Variants in SLC25A15 observed in about 807,000 individuals in gnomAD.
SLC25A15 encodes solute carrier family 25 member 15.
SLC25A15 carries 24 observed loss-of-function variants against 32.3 expected under a neutral mutation model. The ratio of observed to expected loss-of-function variants is 0.74; its 90% CI spans 0.54 to 1.04. The LOEUF (loss-of-function observed/expected upper bound fraction) is 1.04. Ranked by LOEUF, SLC25A15 falls within the 50% of genes least tolerant of loss-of-function variation. The probability of loss-of-function intolerance (pLI) is 0.00; values close to 1 mark genes in which losing one functional copy is unlikely to be tolerated. For missense variants in SLC25A15, 317 were observed against 374.5 expected, an observed-to-expected ratio of 0.85 and a Z score of 1.27; for synonymous variants, 132 against 142.1, an observed-to-expected ratio of 0.93 and a Z score of 0.51.
intron 4 of SLC25A15, 118 bp downstream of exon 4, chr13:40,805,373 A>G (rs1882133919): frequency 8.3e-7 from 1 of 1,207,610 alleles, no homozygotes; most frequent in African/African-American, 1.5e-5. Flanking sequence ...ACTCCAAAAT[A>G]TTGTTTCTAG....
At chr13:40,806,823 G>C (rs560092390) in intron 4 of SLC25A15, among the ~76,000 whole-genome samples, 4 of 152,326 alleles carry the variant, frequency 2.6e-5, no homozygotes, top group African/African-American at 9.6e-5. Context: ...GGCTGCTACA[G>C]GAGCAGGGCT....
intron 4 of SLC25A15, 23 bp downstream of exon 4, chr13:40,805,278 C>T (rs768587846): frequency 1.8e-5 from 29 of 1,613,832 alleles, no homozygotes; most frequent in South Asian, 3.3e-5. Flanking sequence ...TGGGCACAAA[C>T]GTCAGGTCTC....
chr13:40,807,434 T>C lies in SLC25A15; in HGVS notation c.593T>C (p.Phe198Ser), dbSNP rs1404887881. The stretch of plus-strand genomic sequence containing the variant: ...GGCTATGAACTGAGCCGGTCCTTTT[T>C]TGCATCAGGGAGATCAAAAGATGAA... ...FGGYELSRSFFASGRSKDELG... is the reference protein window; with the variant it reads ...FGGYELSRSFSASGRSKDELG... Residue 198 changes from phenylalanine (F) to serine (S), a missense_variant, in exon 5 of 7, where the codon TTT (phenylalanine) becomes TCT (serine). Transcript: ENST00000338625. 1 of 1,614,110 alleles carries C rather than the reference T, an allele frequency of 6.2e-7. No homozygotes were observed. Among genetic ancestry groups the C allele is most frequent in the Non-Finnish European group, 8.5e-7 (1 of 1,180,050 alleles).
intron 1 of SLC25A15, among the ~76,000 whole-genome samples, chr13:40,791,079 C>G (rs1045249238): frequency 1.3e-5 from 2 of 151,642 alleles, no homozygotes; most frequent in African/African-American, 4.9e-5. Flanking sequence ...CTCAGTTGCC[C>G]CCGTTTTTTT....
intron 2 of SLC25A15, among the ~76,000 whole-genome samples, chr13:40,793,840 G>A (rs1032790120): frequency 1.3e-5 from 2 of 152,220 alleles, no homozygotes; most frequent in Non-Finnish European, 2.9e-5. Context: ...TGGGTGGAAG[G>A]TGCCCAGTAC....
At chr13:40,789,853 G>T (rs772037216) in intron 1 of SLC25A15, among the ~76,000 whole-genome samples, 190 bp downstream of exon 1, 1 of 152,120 alleles carries the variant, frequency 6.6e-6, no homozygotes, top group Non-Finnish European at 1.5e-5. Context: ...CCTCCTTCCT[G>T]CAGTGCCCAC....
At chr13:40,795,522 C>T (rs1536805) in intron 2 of SLC25A15, among the ~76,000 whole-genome samples, 57,561 of 152,000 alleles carry the variant, frequency 0.38, 11,701 homozygotes, top group East Asian at 0.52. Flanking sequence ...TACTGACACA[C>T]TGTCCCCATC....
chr13:40,792,260 T>C (rs912572059), intron 1 of SLC25A15, among the ~76,000 whole-genome samples: 1 of 152,212 alleles, frequency 6.6e-6, no homozygotes, highest in Admixed American at 6.5e-5. Flanking sequence ...TGCTCCAGGT[T>C]ATCAAGTGGA....
intron 1 of SLC25A15, among the ~76,000 whole-genome samples, chr13:40,790,777 G>A (rs967341767): frequency 2.6e-5 from 4 of 152,056 alleles, no homozygotes; most frequent in Non-Finnish European, 5.9e-5. Flanking sequence ...AATAGAGACG[G>A]GGGTTTCTCA....
At chr13:40,790,246 G>A (rs1339045106) in intron 1 of SLC25A15, among the ~76,000 whole-genome samples, 1 of 152,204 alleles carries the variant, frequency 6.6e-6, no homozygotes, top group African/African-American at 2.4e-5. Context: ...GGAAAATGCA[G>A]CCTCATCTAC....
intron 3 of SLC25A15, 138 bp downstream of exon 3, chr13:40,799,453 C>A (rs1881798527): frequency 9.9e-7 from 1 of 1,007,560 alleles, no homozygotes. Flanking sequence ...GAGTTCAAAA[C>A]CAGCCTGGGC....
intron 1 of SLC25A15, among the ~76,000 whole-genome samples, chr13:40,791,480 C>A (rs1881502426): frequency 6.6e-6 from 1 of 151,884 alleles, no homozygotes; most frequent in Admixed American, 6.6e-5. Context: ...GCCTCAGCCT[C>A]CTGAGTAGCT....
intron 3 of SLC25A15, among the ~76,000 whole-genome samples, chr13:40,804,457 A>T (rs1882059282): frequency 6.6e-6 from 1 of 152,106 alleles, no homozygotes; most frequent in Admixed American, 6.5e-5. Flanking sequence ...GTCACTTCCC[A>T]TAGGGAACTG....
chr13:40,801,544 C>G (rs1301380603), intron 3 of SLC25A15, among the ~76,000 whole-genome samples: 1 of 152,168 alleles, frequency 6.6e-6, no homozygotes, highest in Non-Finnish European at 1.5e-5. Context: ...CCTCTGAGCT[C>G]CTGCCCAGTC....
chr13:40,792,443 T>C (rs1881543482), intron 1 of SLC25A15, among the ~76,000 whole-genome samples: 1 of 152,174 alleles, frequency 6.6e-6, no homozygotes, highest in African/African-American at 2.4e-5. Flanking sequence ...CTGCACACGT[T>C]TACATTTGAA....
intron 2 of SLC25A15, chr13:40,798,673 C>CA (rs1593290461): frequency 1.4e-6 from 1 of 695,926 alleles, no homozygotes; most frequent in Non-Finnish European, 1.8e-6. Flanking sequence ...ATTTAATCCT[C>CA]ACGCTAACCC....
chr13:40,793,407 A>G, intron 2 of SLC25A15, 126 bp downstream of exon 2: 2 of 842,190 alleles, frequency 2.4e-6, no homozygotes, highest in Non-Finnish European at 2.0e-6. Flanking sequence ...ATTTAGATAC[A>G]TAAATACCAC....
intron 3 of SLC25A15, among the ~76,000 whole-genome samples, chr13:40,799,666 A>G (rs1306984079): frequency 1.3e-5 from 2 of 152,244 alleles, no homozygotes; most frequent in African/African-American, 2.4e-5. Flanking sequence ...AGACCTGCTC[A>G]TCATCCACCA....
intron 3 of SLC25A15, among the ~76,000 whole-genome samples, chr13:40,802,800 T>C (rs1881949362): frequency 6.6e-6 from 1 of 151,998 alleles, no homozygotes; most frequent in Non-Finnish European, 1.5e-5. Context: ...TCTTGATCTC[T>C]TGACCTCGTG....
Sources: gnomAD v4.1 joint callset for allele counts (sites outside exome capture counted in the v4.1 genomes callset) on GRCh38, gnomAD v4.1.1 for gene constraint, MANE v1.5 for transcripts, NCBI Gene and HGNC (gene_info 2026-07-23, HGNC 2026-07-21) for gene names.